BMP5: variants seen among roughly 807,000 people sequenced by gnomAD.
BMP5 encodes bone morphogenetic protein 5.
BMP5 carries 23 observed loss-of-function variants against 46.6 expected under a neutral mutation model. The ratio of observed to expected loss-of-function variants is 0.49; its 90% CI spans 0.35 to 0.70. BMP5 has a LOEUF of 0.70. BMP5 is among the 30% of genes least tolerant of loss of function. BMP5 has a pLI of 0.00. For synonymous variants in BMP5, 204 were observed against 191.9 expected (o/e 1.06, Z -0.52); for missense variants, 545 against 565.6 (o/e 0.96, Z 0.37).
chr6:55,759,427 A>C (rs1774711947), intron 5 of BMP5, among the ~76,000 whole-genome samples: 1 of 151,878 alleles, frequency 6.6e-6, no homozygotes. Flanking sequence ...TGTATTAAAC[A>C]TGTATTCACG....
At chr6:55,755,942 G>C (rs1436968403) in intron 6 of BMP5, among the ~76,000 whole-genome samples, 2 of 151,810 alleles carry the variant, frequency 1.3e-5, no homozygotes, top group Admixed American at 1.3e-4. Context: ...TTCCTCTATA[G>C]AATATTCAGT....
intron 1 of BMP5, among the ~76,000 whole-genome samples, chr6:55,852,993 G>GTATTTT (rs1476537211): frequency 2.6e-4 from 39 of 151,974 alleles, no homozygotes; most frequent in South Asian, 1.2e-3. Context: ...AGCTGGGCAT[G>GTATTTT]GTGGTGCCCG....
intron 2 of BMP5, among the ~76,000 whole-genome samples, chr6:55,805,672 C>T (rs189175300): frequency 9.3e-4 from 142 of 152,316 alleles, no homozygotes; most frequent in Non-Finnish European, 1.7e-3. Context: ...AACTAATTTA[C>T]ATTCCCACCA....
At chr6:55,793,590 G>GTA (rs1232533946) in intron 3 of BMP5, among the ~76,000 whole-genome samples, 1 of 152,182 alleles carries the variant, frequency 6.6e-6, no homozygotes, top group Non-Finnish European at 1.5e-5. Flanking sequence ...AGGGCATATA[G>GTA]TAGGTGCCCA....
chr6:55,855,648 G>A (rs1263304491), intron 1 of BMP5, among the ~76,000 whole-genome samples: 1 of 151,904 alleles, frequency 6.6e-6, no homozygotes, highest in Non-Finnish European at 1.5e-5. Context: ...GTCCTTTTAG[G>A]ATTTCATGGA....
At chr6:55,780,667 T>A (rs750300462) in intron 3 of BMP5, among the ~76,000 whole-genome samples, 2 of 151,976 alleles carry the variant, frequency 1.3e-5, no homozygotes, top group African/African-American at 4.8e-5. Context: ...CACAGTTTGA[T>A]AAAGTGACGG....
At chr6:55,862,854 G>T (rs964577537) in intron 1 of BMP5, among the ~76,000 whole-genome samples, 3 of 152,090 alleles carry the variant, frequency 2.0e-5, no homozygotes, top group South Asian at 2.1e-4. Context: ...GGACTAAAAG[G>T]CTTCCATAGG....
intron 2 of BMP5, among the ~76,000 whole-genome samples, chr6:55,803,906 C>G (rs2127532586): frequency 6.6e-6 from 1 of 152,254 alleles, no homozygotes; most frequent in South Asian, 2.1e-4. Context: ...AATTCTGTAT[C>G]TGTTTTTCTT....
chr6:55,787,516 A>G (rs1218057040), intron 3 of BMP5, among the ~76,000 whole-genome samples: 1 of 151,692 alleles, frequency 6.6e-6, no homozygotes, highest in African/African-American at 2.4e-5. Flanking sequence ...TTTAGGAAAT[A>G]TTACTGGATA....
At chr6:55,802,523 T>G (rs1035343172) in intron 2 of BMP5, among the ~76,000 whole-genome samples, 1 of 152,078 alleles carries the variant, frequency 6.6e-6, no homozygotes, top group Admixed American at 6.5e-5. Context: ...ACTTCAACAA[T>G]AAATATTTGA....
At chr6:55,765,017 G>A (rs945090502) in intron 4 of BMP5, among the ~76,000 whole-genome samples, 2 of 152,004 alleles carry the variant, frequency 1.3e-5, no homozygotes, top group African/African-American at 4.8e-5. Flanking sequence ...TAATTACCCT[G>A]ATTTGATCAT....
chr6:55,794,427 C>T lies in BMP5; in HGVS notation c.684G>A (p.Arg228=). ...TGTCTAACAAGAACAGATCTGCATC[C>T]CTAAAAAGAAAAGGAACAACAAAAA... ...IYQIIKEYTN[R]DADLFLLDTR... Residue 228 remains arginine (R), a splice_region_variant and synonymous_variant, in exon 3 of 7, where the codon AGG becomes AGA. Transcript: ENST00000370830. 1 of 1,613,526 alleles carries T rather than the reference C, an allele frequency of 6.2e-7. No individual in the cohort carries two copies. The highest frequency in any genetic ancestry group is 1.1e-5 in the South Asian group (1 of 91,062).
At chr6:55,793,314 A>T (rs1278476555) in intron 3 of BMP5, among the ~76,000 whole-genome samples, 1 of 152,104 alleles carries the variant, frequency 6.6e-6, no homozygotes, top group Non-Finnish European at 1.5e-5. Flanking sequence ...CGTGTTTCAG[A>T]TTATAGCTCA....
chr6:55,857,367 G>C (rs981844787), intron 1 of BMP5, among the ~76,000 whole-genome samples: 1 of 152,174 alleles, frequency 6.6e-6, no homozygotes, highest in Non-Finnish European at 1.5e-5. Context: ...TGATAAATAT[G>C]TATAATGAAA....
At chr6:55,812,653 G>A (rs2127535829) in intron 2 of BMP5, among the ~76,000 whole-genome samples, 1 of 152,242 alleles carries the variant, frequency 6.6e-6, no homozygotes, top group Admixed American at 6.5e-5. Flanking sequence ...TTGTTTCTGA[G>A]TTTAACTGAA....
At chr6:55,789,700 G>A (rs1030436836) in intron 3 of BMP5, among the ~76,000 whole-genome samples, 1 of 152,020 alleles carries the variant, frequency 6.6e-6, no homozygotes, top group Non-Finnish European at 1.5e-5. Context: ...TAACCACCAT[G>A]AGAAAGTGCT....
In BMP5 at chr6:55,817,718, T is replaced by A. The variant is rs560992773; in HGVS notation, c.683+1937A>T. Among the ~76,000 whole-genome samples the A allele has an allele frequency of 5.1e-4, 77 of 152,068 alleles. No homozygotes were observed. The South Asian group carries it at 0.016, about 31-fold the overall frequency. On this transcript the variant is annotated intron_variant, in intron 2 of 6. Coordinates refer to ENST00000370830, the MANE Select transcript of BMP5 (RefSeq NM_021073.4). ...ATACATATGTAACGAACCTGCACAT[T>A]GTGCATATGTACCCTAAAACTTAAA...
chr6:55,769,028 T>A (rs1290081374), intron 4 of BMP5, among the ~76,000 whole-genome samples: 1 of 151,970 alleles, frequency 6.6e-6, no homozygotes, highest in Non-Finnish European at 1.5e-5. Context: ...CATCTGAGTC[T>A]TCAGCAAGTT....
At chr6:55,858,356 A>C (rs1373511058) in intron 1 of BMP5, among the ~76,000 whole-genome samples, 2 of 152,160 alleles carry the variant, frequency 1.3e-5, no homozygotes, top group East Asian at 1.9e-4. Flanking sequence ...CATGACTGCT[A>C]TTTACAAATA....
Sources: gnomAD v4.1 joint callset for allele counts (sites outside exome capture counted in the v4.1 genomes callset) on GRCh38, gnomAD v4.1.1 for gene constraint, MANE v1.5 for transcripts, NCBI Gene and HGNC (gene_info 2026-07-23, HGNC 2026-07-21) for gene names.